The following COL20A1 variants were observed in gnomAD, a reference collection of about 807,000 sequenced individuals.
COL20A1 encodes the protein collagen type XX alpha 1 chain, also known as collagen alpha-1(XX) chain.
COL20A1 carries 164 observed loss-of-function variants against 152.9 expected under a neutral mutation model. The observed-to-expected ratio is 1.07, with a 90% CI of 0.94 to 1.22. The LOEUF (loss-of-function observed/expected upper bound fraction) is 1.22, where lower values mean the gene tolerates loss of function less well. Among genes scored for constraint, COL20A1 ranks in the 50% most tolerant of loss-of-function variants. The pLI is 0.00. For missense variants in COL20A1, 1,873 were observed against 1,744.8 expected (o/e 1.07, Z -1.31); for synonymous variants, 864 against 756.0 (o/e 1.14, Z -2.34).
Position 63,319,508 on chromosome 20 carries a change from A to C in COL20A1, c.2828A>C (p.Tyr943Ser), listed in dbSNP as rs1568783041. The C allele has an allele frequency of 3.1e-6, 5 of 1,588,230 alleles. No individual in the cohort carries two copies. The highest frequency in any genetic ancestry group is 2.3e-5 in the East Asian group (1 of 43,406). The change falls in exon 23 of 36, where the codon TAC becomes TCC. Residue 943 changes from tyrosine to serine, a missense_variant. Transcript: ENST00000358894. The surrounding 1 kb of genome is among the most constrained non-coding windows in gnomAD (Gnocchi z 4.4). ...GCAGCCGGGAAGAAGTCCCTGACCT[A>C]CTTCCACCGTGACCCCAGGGCTGCC... The part of the protein sequence containing the change: ...LLDAGKKSLT[Y>S]FHRDPRAALQ...
chr20:63,296,129 C>T (rs1385547124), intron 2 of COL20A1, among the ~76,000 whole-genome samples: 12 of 152,268 alleles, frequency 7.9e-5, no homozygotes, highest in African/African-American at 2.7e-4. Flanking sequence ...CCGGGTTTCA[C>T]GGCTTGTCTT....
chr20:63,310,826 G>A (rs6011727), intron 11 of COL20A1, among the ~76,000 whole-genome samples: 1 of 151,988 alleles, frequency 6.6e-6, no homozygotes, highest in African/African-American at 2.4e-5. Context: ...TAGCTCGCTG[G>A]GTTCTTGGAC....
chr20:63,319,389 C>A lies in COL20A1; in HGVS notation c.2807-98C>A. 8.9e-7 allele frequency: 1 copy of A among 1,126,658 alleles called. No homozygotes were observed. The highest frequency in any genetic ancestry group is 1.3e-6 in the Non-Finnish European group (1 of 788,082). 69.8% of individuals were successfully genotyped at this position (1,126,658 alleles called of 1,614,324 possible). A position where few individuals can be genotyped will look rare whatever the true frequency, so the allele number is the denominator to read the frequency against. On this transcript the variant is annotated intron_variant, in intron 22 of 35. Coordinates refer to ENST00000358894, the MANE Select transcript of COL20A1 (RefSeq NM_020882.4). The surrounding 1 kb of genome is among the most constrained non-coding windows in gnomAD (Gnocchi z 4.4). Reference sequence around the variant, plus strand: ...AGGGTCACCTCCAGCTTGGCACCCTCAGGGCTGCTCCTGTCCTGTCGTGGG... The same window carrying A: ...AGGGTCACCTCCAGCTTGGCACCCTAAGGGCTGCTCCTGTCCTGTCGTGGG...
intron 3 of COL20A1, among the ~76,000 whole-genome samples, chr20:63,302,467 C>T (rs188282969): frequency 7.9e-5 from 12 of 152,256 alleles, no homozygotes; most frequent in South Asian, 2.1e-4. Flanking sequence ...ATTACAGGCA[C>T]GTGCCACCAC....
At chr20:63,295,457 C>A (rs778296052) in intron 2 of COL20A1, among the ~76,000 whole-genome samples, 1 of 152,242 alleles carries the variant, frequency 6.6e-6, no homozygotes, top group Non-Finnish European at 1.5e-5. Context: ...GAACACCTTT[C>A]GGAGCAGTCT....
chr20:63,298,305 T>C (rs2067824812), intron 3 of COL20A1, among the ~76,000 whole-genome samples: 1 of 152,224 alleles, frequency 6.6e-6, no homozygotes, highest in African/African-American at 2.4e-5. Flanking sequence ...TTTAATTTTT[T>C]TTAAAGGCAG....
Position 63,307,995 on chromosome 20 carries a change from C to G in COL20A1, c.680C>G (p.Ala227Gly), listed in dbSNP as rs1568770444. ...QVGLTQYSGDAQTEWDLNSLS... is the reference protein window; with the variant it reads ...QVGLTQYSGDGQTEWDLNSLS... ...GGCCTGACTCAGTACAGCGGGGATG[C>G]TCAGACTGAGTGGGACCTGAACTCC... The change falls in exon 7 of 36, where the codon GCT (alanine) becomes GGT (glycine). Residue 227 changes from alanine to glycine, a missense_variant. Physicochemically the swap from Ala to Gly is moderately conservative, Grantham distance 60. Transcript: ENST00000358894. 1.2e-6 allele frequency: 2 copies of G among 1,612,596 alleles called. No individual in the cohort carries two copies. The highest frequency in any genetic ancestry group is 1.7e-6 in the Non-Finnish European group (2 of 1,179,720).
chr20:63,333,155 G>C lies in COL20A1; in HGVS notation c.*2439G>C, dbSNP rs2068354054. 1 of 152,328 alleles carries C rather than the reference G, an allele frequency of 6.6e-6. No homozygotes were observed. Among genetic ancestry groups the C allele is most frequent in the Non-Finnish European group, 1.5e-5 (1 of 68,188 alleles). The allele number at this position is 152,328 out of a possible 1,614,324, so 9.4% of individuals were successfully genotyped here. Reference sequence around the variant, plus strand: ...AGAGGCCCCTCTGTAGTGGGCCTCGGTCCCCTCTCCACCCCCAGAGGCAGC... The same window carrying C: ...AGAGGCCCCTCTGTAGTGGGCCTCGCTCCCCTCTCCACCCCCAGAGGCAGC... On this transcript the variant is annotated 3_prime_UTR_variant, in exon 36 of 36. Transcript: ENST00000358894.
At chr20:63,321,200 G>A in intron 26 of COL20A1, 101 bp downstream of exon 26, 1 of 705,734 alleles carries the variant, frequency 1.4e-6, no homozygotes, top group Non-Finnish European at 2.4e-6. Flanking sequence ...CCCGGTCCAT[G>A]CCCCCGTCCT....
rs889394605 is a variant in COL20A1, at chr20:63,315,537, T to C, written c.2524+98T>C. On this transcript the variant is annotated intron_variant, in intron 20 of 35. Coordinates refer to ENST00000358894, the MANE Select transcript of COL20A1 (RefSeq NM_020882.4). ...GGTGTCGTGACCTGGGACCCAGTGG[T>C]GGTGCAGTTGGAGGATGTTTGGGCG... 4.6e-5 allele frequency: 51 copies of C among 1,111,074 alleles called. No individual in the cohort carries two copies. In the African/African-American group the frequency reaches 7.2e-4, roughly 16 times the overall value. The allele number at this position is 1,111,074 out of a possible 1,614,324, so 68.8% of individuals were successfully genotyped here.
chr20:63,311,409 C>T lies in COL20A1; in HGVS notation c.1409C>T (p.Pro470Leu), dbSNP rs768504214. 1.1e-5 allele frequency: 18 copies of T among 1,582,346 alleles called. No homozygotes were observed. Among genetic ancestry groups the T allele is most frequent in the African/African-American group, 5.4e-5 (4 of 74,328 alleles). ...GGCCCCCCAGCACCTCTGCCTCCGCCCCGGGCGCTGACCCTGGCCGCAGTG... is the reference window on the plus strand; with the variant it reads ...GGCCCCCCAGCACCTCTGCCTCCGCTCCGGGCGCTGACCCTGGCCGCAGTG... The part of the protein sequence containing the change: ...GLVTTAPLPP[P>L]RALTLAAVTP... Residue 470 changes from proline (P) to leucine (L), a missense_variant, in exon 12 of 36, where the codon CCC becomes CTC. Transcript: ENST00000358894. This position sits in a 1 kb window ranked among gnomAD's most constrained non-coding sequence, Gnocchi z 4.4.
intron 11 of COL20A1, 24 bp downstream of exon 11, chr20:63,310,534 C>G: frequency 6.4e-7 from 1 of 1,563,466 alleles, no homozygotes; most frequent in Non-Finnish European, 8.7e-7. Flanking sequence ...AGGCAGCGGC[C>G]AGGTTCTGGG....
chr20:63,321,138 A>G (rs4809533), intron 26 of COL20A1, 39 bp downstream of exon 26: 1,402,545 of 1,420,768 alleles, frequency 0.99, 693,552 homozygotes, highest in East Asian at 1. Flanking sequence ...ACCAGGGAAC[A>G]CTGGCCAATG....
intron 35 of COL20A1, 69 bp downstream of exon 35, chr20:63,329,730 G>C: frequency 4.4e-6 from 5 of 1,126,666 alleles, no homozygotes; most frequent in Non-Finnish European, 5.0e-6. Flanking sequence ...CTCCTGAGGG[G>C]CCAACGGGTG....
chr20:63,326,863 G>A (rs1187788276), intron 31 of COL20A1, 40 bp downstream of exon 31: 3 of 1,402,420 alleles, frequency 2.1e-6, no homozygotes, highest in Non-Finnish European at 1.9e-6. Context: ...ACCAAAGGTG[G>A]GGGAGCGAAG....
At position 63,317,862 on chromosome 20, in the gene COL20A1, G is replaced by A. The variant is rs778396138; in HGVS notation, c.2663+1171G>A. On this transcript the variant is annotated intron_variant, in intron 21 of 35. Transcript: ENST00000358894. ...CTCCATGGCCTCAGGTGGTGTAGAC[G>A]CCCCCCGCCCCCCTCTCCTCTTCCT... Among the ~76,000 whole-genome samples the A allele has an allele frequency of 2.0e-4, 30 of 152,032 alleles. No individual in the cohort carries two copies. The Middle Eastern group carries it at 0.01, about 52-fold the overall frequency.
intron 2 of COL20A1, among the ~76,000 whole-genome samples, chr20:63,297,376 TCAGGGGACCCAGCCCAGGGGACTCAGCC>T (rs2123371211): frequency 1.7e-5 from 2 of 119,628 alleles, no homozygotes; most frequent in African/African-American, 6.6e-5. Flanking sequence ...GGGACTCAGC[TCAGGGGACCCAGCCCAGGGGACTCAGCC>T]CAGGGGCCCC....
chr20:63,294,996 AG>A, intron 1 of COL20A1, 101 bp from the exon 2 acceptor site: 1 of 711,448 alleles, frequency 1.4e-6, no homozygotes, highest in Admixed American at 2.7e-5. Flanking sequence ...GTGTGGGGAC[AG>A]GCTGCCTGGC....
At chr20:63,326,182 AC>A in intron 30 of COL20A1, 33 bp downstream of exon 30, 2 of 1,571,736 alleles carry the variant, frequency 1.3e-6, no homozygotes, top group Non-Finnish European at 1.7e-6. Context: ...CCCGACCCCC[AC>A]CCAGGGTTCC....
Sources: gnomAD v4.1 joint callset for allele counts (sites outside exome capture counted in the v4.1 genomes callset) on GRCh38, gnomAD v4.1.1 for gene constraint, Gnocchi (gnomAD v3.1) non-coding constraint, MANE v1.5 for transcripts, NCBI Gene and HGNC (gene_info 2026-07-23, HGNC 2026-07-21) for gene names.